Variants in PTK7 observed in about 807,000 individuals in gnomAD.
The protein encoded by PTK7 is protein tyrosine kinase 7 (inactive).
Under a neutral mutation model 116.6 loss-of-function variants are expected in PTK7, and 39 were observed. That is an observed-to-expected ratio of 0.33 (90% CI 0.26 to 0.44). The LOEUF (loss-of-function observed/expected upper bound fraction) is 0.44. Among genes scored for constraint, PTK7 ranks in the 20% least tolerant of loss-of-function variants. PTK7 has a pLI of 1.00. For missense variants in PTK7, 1,169 were observed against 1,425.6 expected (o/e 0.82, Z 2.90); for synonymous variants, 546 against 563.6 (o/e 0.97, Z 0.44).
rs1766839571 is a variant in PTK7 at position 43,089,651 on chromosome 6, G to A, written c.79+13084G>A. Among the ~76,000 whole-genome samples the A allele has an allele frequency of 1.3e-5, 2 of 152,162 alleles. 1 individual carries two copies. The highest frequency in any genetic ancestry group is 4.1e-4 in the South Asian group (2 of 4,830). On this transcript the variant is annotated intron_variant, in intron 1 of 19. Transcript: ENST00000230419. The stretch of plus-strand genomic sequence containing the variant: ...ACCAATTAAAAAAATGCCCAGCTAC[G>A]CAGCAGCTTTTCTGCCCACGATCTG...
chr6:43,100,992 G>T (rs933064806), intron 1 of PTK7, among the ~76,000 whole-genome samples: 2 of 152,060 alleles, frequency 1.3e-5, no homozygotes, highest in African/African-American at 2.4e-5. Context: ...CAGCACTTTG[G>T]GAGGCCGAGG....
At position 43,159,964 on chromosome 6, in the gene PTK7, C is replaced by A; in HGVS notation, c.3050C>A (p.Ala1017Glu). 1 of 1,612,780 alleles carries A rather than the reference C, an allele frequency of 6.2e-7. No homozygotes were observed. Among genetic ancestry groups the A allele is most frequent in the Non-Finnish European group, 8.5e-7 (1 of 1,179,106 alleles). The change falls in exon 19 of 20, where the codon GCA becomes GAA. Residue 1017 changes from alanine (A) to glutamate (E), a missense_variant and splice_region_variant. Physicochemically the swap from Ala to Glu is moderately radical, Grantham distance 107 (BLOSUM62 -1). Coordinates refer to ENST00000230419, the MANE Select transcript of PTK7 (RefSeq NM_002821.5). Reference sequence around the variant, plus strand: ...GGGCAGGCAGATGATGAAGTACTGGCAGGTAGGCAGCCTTGCTGCTAGGGG... The same window carrying A: ...GGGCAGGCAGATGATGAAGTACTGGAAGGTAGGCAGCCTTGCTGCTAGGGG... ...HGGQADDEVL[A>E]DLQAGKARLP...
intron 6 of PTK7, 98 bp from the exon 7 acceptor site, chr6:43,132,323 G>A: frequency 6.7e-7 from 1 of 1,503,536 alleles, no homozygotes; most frequent in Non-Finnish European, 8.9e-7. Context: ...GCAGGGGAGG[G>A]TTTGTGCTGG....
In PTK7 at chr6:43,130,516, A is replaced by G; in HGVS notation, c.667A>G (p.Ser223Gly). ...CCCCATCTTTCCCTCTCCAGATGAA[A>G]GCTTTGCCAGGGTGGTGCTGGCACC... ...QNFTLSIADE[S>G]FARVVLAPQD... is the part of the protein sequence containing the mutation. The change falls in exon 5 of 20, where the codon AGC (serine) becomes GGC (glycine). Residue 223 changes from serine to glycine, a missense_variant. Ser to Gly is a moderately conservative substitution (Grantham distance 56). Coordinates refer to ENST00000230419, the MANE Select transcript of PTK7 (RefSeq NM_002821.5). 2 of 1,613,654 alleles carry G rather than the reference A, an allele frequency of 1.2e-6. No individual in the cohort carries two copies. The highest frequency in any genetic ancestry group is 2.7e-5 in the African/African-American group (2 of 75,010).
chr6:43,124,452 G>A (rs1379496920), intron 1 of PTK7, among the ~76,000 whole-genome samples: 1 of 152,180 alleles, frequency 6.6e-6, no homozygotes, highest in African/African-American at 2.4e-5. Context: ...TGGAAGCCGA[G>A]GTGGGAGGAT....
chr6:43,136,283 A>G lies in PTK7; in HGVS notation c.1229-2566A>G, dbSNP rs528847972. Among the ~76,000 whole-genome samples the G allele has an allele frequency of 2.0e-5, 3 of 150,674 alleles. No individual in the cohort carries two copies. The South Asian group carries it at 6.4e-4, about 32-fold the overall frequency. On this transcript the variant is annotated intron_variant, in intron 7 of 19. Coordinates refer to ENST00000230419, the MANE Select transcript of PTK7 (RefSeq NM_002821.5). The stretch of plus-strand genomic sequence containing the variant: ...CTGGGAGGTGGAGGTTGCAGTGAAC[A>G]GAGATCGCGCCACTGCACTCCAGCC...
intron 1 of PTK7, among the ~76,000 whole-genome samples, chr6:43,109,914 G>A (rs1008908986): frequency 6.6e-6 from 1 of 150,986 alleles, no homozygotes; most frequent in Non-Finnish European, 1.5e-5. Context: ...TAGTCAGGAT[G>A]ATCTCGATTT....
rs539835382 is a variant in PTK7, at chr6:43,136,016, C to T, written c.1229-2833C>T. Among the ~76,000 whole-genome samples the T allele has an allele frequency of 8.5e-5, 13 of 152,286 alleles. No individual in the cohort carries two copies. The East Asian group carries it at 1.7e-3, about 20-fold the overall frequency. ...CAGCCTGACCAACGTGCTGAAACCC[C>T]GTCTCTACTAAAAATACAAAAATTA... On this transcript the variant is annotated intron_variant, in intron 7 of 19. Transcript: ENST00000230419.
At chr6:43,124,752 C>T (rs1293272127) in intron 1 of PTK7, among the ~76,000 whole-genome samples, 1 of 152,260 alleles carries the variant, frequency 6.6e-6, no homozygotes, top group Non-Finnish European at 1.5e-5. Context: ...GGGCACACCA[C>T]AGACTGTCTT....
intron 7 of PTK7, among the ~76,000 whole-genome samples, chr6:43,136,485 G>A (rs1770051981): frequency 6.6e-6 from 1 of 152,350 alleles, no homozygotes; most frequent in Admixed American, 6.5e-5. Flanking sequence ...GCTGATGGGT[G>A]AGCTGGCCTG....
intron 1 of PTK7, among the ~76,000 whole-genome samples, chr6:43,122,148 GA>G (rs547395189): frequency 6.6e-6 from 1 of 151,864 alleles, no homozygotes; most frequent in South Asian, 2.1e-4. Flanking sequence ...ATTTCAAAAA[GA>G]AAAAAAATGT....
intron 1 of PTK7, among the ~76,000 whole-genome samples, chr6:43,115,931 A>C (rs1768488334): frequency 1.8e-5 from 2 of 111,746 alleles, no homozygotes; most frequent in Non-Finnish European, 3.7e-5. Context: ...CCATCTCAAA[A>C]AAAAAAAAAA....
intron 1 of PTK7, among the ~76,000 whole-genome samples, chr6:43,116,651 T>TGCGCGCGCGCGCGC (rs879197725): frequency 1.8e-4 from 14 of 77,206 alleles, no homozygotes; most frequent in African/African-American, 9.1e-4. Flanking sequence ...TGTGTGTGTG[T>TGCGCGCGCGCGCGC]GCGCGCGCAC....
At chr6:43,082,830 C>T (rs1299335420) in intron 1 of PTK7, among the ~76,000 whole-genome samples, 3 of 152,178 alleles carry the variant, frequency 2.0e-5, no homozygotes, top group Admixed American at 6.5e-5. Flanking sequence ...GAGGAGAATA[C>T]GGCTGATTTT....
intron 17 of PTK7, among the ~76,000 whole-genome samples, chr6:43,149,290 T>G (rs1206839734): frequency 6.6e-6 from 1 of 151,962 alleles, no homozygotes; most frequent in Non-Finnish European, 1.5e-5. Context: ...GAGAATCGCT[T>G]GAGCCTGGGA....
At position 43,143,617 on chromosome 6, in the gene PTK7, A is replaced by AACGGTGAGGGGCCCTGG; in HGVS notation, c.2251+2_2251+18dup. The AACGGTGAGGGGCCCTGG allele has an allele frequency of 6.2e-7, 1 of 1,611,422 alleles. No homozygotes were observed. The highest frequency in any genetic ancestry group is 8.5e-7 in the Non-Finnish European group (1 of 1,179,760). ...CGAGGAGCCAGAGATGGAATGCCTCAACGGTGAGGGGCCCTGGACGGGGAG... is the reference window on the plus strand; with the variant it reads ...CGAGGAGCCAGAGATGGAATGCCTCAACGGTGAGGGGCCCTGGACGGTGAGGGGCCCTGGACGGGGAG... On this transcript the variant is annotated frameshift_variant, in exon 14 of 20. Coordinates refer to ENST00000230419, the MANE Select transcript of PTK7 (RefSeq NM_002821.5). LOFTEE classifies it high-confidence loss of function. The surrounding 1 kb of genome is among the most constrained non-coding windows in gnomAD (Gnocchi z 4.2).
In PTK7 at chr6:43,105,001, C is replaced by T. The variant is rs182881859; in HGVS notation, c.80-23976C>T. 2.6e-3 allele frequency among the ~76,000 whole-genome samples: 391 copies of T among 151,316 alleles called. 4 individuals carry two copies. The highest frequency in any genetic ancestry group is 8.5e-3 in the African/African-American group (350 of 41,282). ...CTAATTTTTGTATTTTTAGTAGAGA[C>T]GGTGTTTCACCGTGTTAGCCAGGAT... On this transcript the variant is annotated intron_variant, in intron 1 of 19. Coordinates refer to ENST00000230419, the MANE Select transcript of PTK7 (RefSeq NM_002821.5).
In PTK7 at chr6:43,076,411, C is replaced by T. The variant is rs1582036114; in HGVS notation, c.-78C>T. On this transcript the variant is annotated 5_prime_UTR_variant, in exon 1 of 20. Coordinates refer to ENST00000230419, the MANE Select transcript of PTK7 (RefSeq NM_002821.5). This position sits in a 1 kb window ranked among gnomAD's most constrained non-coding sequence, Gnocchi z 5.7. ...TGCGGCGCCCGCGCTCCGGTGCGCT[C>T]CGCCTCCTGTGCCCGCCGCGGAGCG... The T allele has an allele frequency of 2.4e-6, 3 of 1,232,028 alleles. No homozygotes were observed. Among genetic ancestry groups the T allele is most frequent in the East Asian group, 3.2e-5 (1 of 31,076 alleles). The allele number at this position is 1,232,028 out of a possible 1,614,324, so 76.3% of individuals were successfully genotyped here.
Position 43,161,371 on chromosome 6 carries a change from G to A in PTK7, c.*490G>A, listed in dbSNP as rs1771835164. ...CTAGACCAGGATTATAGAGGACACA[G>A]CAAGTGAGTCCTCCCCACTCTGGGC... On this transcript the variant is annotated 3_prime_UTR_variant, in exon 20 of 20. Transcript: ENST00000230419. 1.3e-5 allele frequency: 2 copies of A among 158,900 alleles called. No homozygotes were observed. Among genetic ancestry groups the A allele is most frequent in the Admixed American group, 6.0e-5 (1 of 16,784 alleles). The allele number at this position is 158,900 out of a possible 1,614,324, so 9.8% of individuals were successfully genotyped here.
Sources: gnomAD v4.1 joint callset for allele counts (sites outside exome capture counted in the v4.1 genomes callset) on GRCh38, gnomAD v4.1.1 for gene constraint, Gnocchi (gnomAD v3.1) non-coding constraint, MANE v1.5 for transcripts, NCBI Gene and HGNC (gene_info 2026-07-23, HGNC 2026-07-21) for gene names.